The following MXI1 variants were observed in gnomAD, a reference collection of about 807,000 sequenced individuals.
MXI1 encodes the protein max-interacting protein 1.
Under a neutral mutation model 36.9 loss-of-function variants are expected in MXI1, and 18 were observed. That is an observed-to-expected ratio of 0.49 (90% CI 0.34 to 0.72). The LOEUF (loss-of-function observed/expected upper bound fraction) is 0.72, where lower values mean the gene tolerates loss of function less well. Among genes scored for constraint, MXI1 ranks in the 30% least tolerant of loss-of-function variants. MXI1 has a pLI of 0.01. For missense variants in MXI1, 304 were observed against 379.1 expected (o/e 0.80, Z 1.64); for synonymous variants, 160 against 146.7 (o/e 1.09, Z -0.65).
chr10:110,244,201 A>G lies in MXI1; in HGVS notation c.408-627A>G, dbSNP rs138959096. 3.3e-5 allele frequency among the ~76,000 whole-genome samples: 5 copies of G among 152,106 alleles called. No homozygotes were observed. The East Asian group carries it at 9.7e-4, about 29-fold the overall frequency. On this transcript the variant is annotated intron_variant, in intron 2 of 5. Coordinates refer to ENST00000332674, the MANE Select transcript of MXI1 (RefSeq NM_130439.3). ...AAAAAGTCACCAAAACTAAACAATA[A>G]CCATTGCTAACATTTCGAGTTATCC...
chr10:110,268,619 C>G (rs1856759186), intron 3 of MXI1, among the ~76,000 whole-genome samples: 1 of 151,868 alleles, frequency 6.6e-6, no homozygotes, highest in Admixed American at 6.6e-5. Flanking sequence ...TGTAAGTGCC[C>G]TACTATATAT....
intron 3 of MXI1, among the ~76,000 whole-genome samples, chr10:110,266,133 A>G (rs1012862300): frequency 3.3e-5 from 5 of 150,614 alleles, no homozygotes; most frequent in African/African-American, 1.2e-4. Context: ...TTTGAGACAG[A>G]GTCTCGCTCA....
chr10:110,214,074 T>A (rs1854570306), intron 1 of MXI1, among the ~76,000 whole-genome samples: 1 of 152,206 alleles, frequency 6.6e-6, no homozygotes, highest in African/African-American at 2.4e-5. Context: ...AAAGGATATA[T>A]AGCTAGTAAG....
chr10:110,284,889 A>G lies in MXI1; in HGVS notation c.790A>G (p.Thr264Ala). The G allele has an allele frequency of 6.2e-7, 1 of 1,613,960 alleles. No individual in the cohort carries two copies. Among genetic ancestry groups the G allele is most frequent in the Admixed American group, 1.7e-5 (1 of 59,986 alleles). Reference protein sequence around the residue: ...SHGEVDNISTTSISDIDDHSS... With the variant: ...SHGEVDNISTASISDIDDHSS... ...TGGAGAAGTGGACAATATAAGTACC[A>G]CCAGCATCAGTGACATTGATGACCA... Residue 264 changes from threonine (T) to alanine (A), a missense_variant, in exon 6 of 6, where the codon ACC (threonine) becomes GCC (alanine). Physicochemically the swap from Thr to Ala is moderately conservative, Grantham distance 58. Transcript: ENST00000332674.
chr10:110,260,187 T>A (rs988596239), intron 3 of MXI1, among the ~76,000 whole-genome samples: 1 of 152,004 alleles, frequency 6.6e-6, no homozygotes, highest in African/African-American at 2.4e-5. Context: ...AAGACATAAT[T>A]TTTCCTTTCA....
intron 1 of MXI1, among the ~76,000 whole-genome samples, chr10:110,221,986 C>T (rs1000373596): frequency 2.0e-5 from 3 of 152,172 alleles, no homozygotes; most frequent in Non-Finnish European, 2.9e-5. Flanking sequence ...AAATTTATCT[C>T]GGCTGCACAC....
intron 2 of MXI1, among the ~76,000 whole-genome samples, chr10:110,235,654 C>T (rs1855432632): frequency 1.3e-5 from 2 of 150,888 alleles, no homozygotes; most frequent in Admixed American, 1.3e-4. Context: ...CACCACTGCA[C>T]TCCAGCCTGG....
intron 2 of MXI1, among the ~76,000 whole-genome samples, chr10:110,233,875 A>G (rs944707933): frequency 2.0e-5 from 3 of 152,174 alleles, no homozygotes; most frequent in Admixed American, 6.5e-5. Context: ...GGAAACTTGT[A>G]TGATCATGCC....
At chr10:110,213,187 C>T (rs535485072) in intron 1 of MXI1, among the ~76,000 whole-genome samples, 1 of 152,244 alleles carries the variant, frequency 6.6e-6, no homozygotes, top group African/African-American at 2.4e-5. Flanking sequence ...GAGACTGCAT[C>T]CTGTGAACAG....
intron 2 of MXI1, among the ~76,000 whole-genome samples, chr10:110,240,639 C>T (rs1332325169): frequency 6.6e-6 from 1 of 151,888 alleles, no homozygotes; most frequent in Admixed American, 6.6e-5. Flanking sequence ...CAATCTCAAC[C>T]CCTTTGGTAT....
chr10:110,264,928 G>A lies in MXI1; in HGVS notation c.438-14252G>A, dbSNP rs554968402. On this transcript the variant is annotated intron_variant, in intron 3 of 5. Transcript: ENST00000332674. Reference sequence around the variant, plus strand: ...AGGCTAGTGCTGGTTAGTGCTTTATGTTAAAAATTTTTTTTTTTTCAAATG... The same window carrying A: ...AGGCTAGTGCTGGTTAGTGCTTTATATTAAAAATTTTTTTTTTTTCAAATG... 5.9e-5 allele frequency among the ~76,000 whole-genome samples: 9 copies of A among 152,022 alleles called. No homozygotes were observed. In the South Asian group the frequency reaches 1.7e-3, roughly 28 times the overall value.
At chr10:110,237,491 A>G (rs544843211) in intron 2 of MXI1, among the ~76,000 whole-genome samples, 2 of 152,242 alleles carry the variant, frequency 1.3e-5, no homozygotes, top group African/African-American at 4.8e-5. Context: ...GATTACATTG[A>G]TGGATTTTTG....
chr10:110,280,410 G>A (rs1472302287), intron 5 of MXI1, among the ~76,000 whole-genome samples: 1 of 151,818 alleles, frequency 6.6e-6, no homozygotes, highest in East Asian at 1.9e-4. Context: ...GTTGTGCCCG[G>A]TGGCTCATGC....
At position 110,257,910 on chromosome 10, in the gene MXI1, G is replaced by A. The variant is rs570502886; in HGVS notation, c.437+13053G>A. On this transcript the variant is annotated intron_variant, in intron 3 of 5. Coordinates refer to ENST00000332674, the MANE Select transcript of MXI1 (RefSeq NM_130439.3). The stretch of plus-strand genomic sequence containing the variant: ...AACCCTCTGGAAAAAAAAATAAGGG[G>A]GGAGGTATAGGTTTTAAGGATTTCT... The A allele has an allele frequency of 1.7e-4, 34 of 199,752 alleles. 2 individuals carry two copies. In the South Asian group the frequency reaches 3.1e-3, roughly 18 times the overall value. The allele number at this position is 199,752 out of a possible 1,614,324, so 12.4% of individuals were successfully genotyped here.
intron 1 of MXI1, among the ~76,000 whole-genome samples, chr10:110,218,562 A>G (rs1854716275): frequency 6.6e-6 from 1 of 151,840 alleles, no homozygotes; most frequent in Non-Finnish European, 1.5e-5. Context: ...TAGGGTAGAG[A>G]GTGGGCTGTC....
intron 2 of MXI1, among the ~76,000 whole-genome samples, chr10:110,232,945 A>G (rs1464563940): frequency 6.6e-6 from 1 of 152,252 alleles, no homozygotes. Context: ...GTGTCATGAA[A>G]ATAAAATAAT....
intron 1 of MXI1, among the ~76,000 whole-genome samples, chr10:110,215,742 T>C (rs2134328762): frequency 1.3e-5 from 2 of 152,216 alleles, no homozygotes; most frequent in Admixed American, 1.3e-4. Flanking sequence ...ATTTGGGGGC[T>C]GGGAGGAGGG....
chr10:110,223,540 C>T (rs949429330), intron 1 of MXI1, among the ~76,000 whole-genome samples: 2 of 151,950 alleles, frequency 1.3e-5, no homozygotes, highest in African/African-American at 4.8e-5. Flanking sequence ...CCACTGCACT[C>T]CAGCTGGGGT....
chr10:110,268,656 A>T (rs1856760674), intron 3 of MXI1, among the ~76,000 whole-genome samples: 1 of 152,166 alleles, frequency 6.6e-6, no homozygotes, highest in Non-Finnish European at 1.5e-5. Context: ...CTGCCTTATC[A>T]GAGGAGGGCA....
Sources: gnomAD v4.1 joint callset for allele counts (sites outside exome capture counted in the v4.1 genomes callset) on GRCh38, gnomAD v4.1.1 for gene constraint, MANE v1.5 for transcripts, NCBI Gene and HGNC (gene_info 2026-07-23, HGNC 2026-07-21) for gene names.